Variants in PARK7 observed in about 807,000 individuals in gnomAD.
PARK7 encodes the protein Parkinsonism associated deglycase, also known as Parkinson disease protein 7.
A neutral mutation model predicts 20.5 loss-of-function variants in PARK7; 14 were observed. The ratio of observed to expected loss-of-function variants is 0.68; its 90% confidence interval spans 0.45 to 1.07. The LOEUF (loss-of-function observed/expected upper bound fraction) is 1.07, where lower values mean the gene tolerates loss of function less well. Among genes scored for constraint, PARK7 ranks in the 50% least tolerant of loss-of-function variants. The pLI, the probability that PARK7 is intolerant of heterozygous loss-of-function variation, is 0.00. For missense variants in PARK7, 234 were observed against 238.1 expected (o/e 0.98, Z 0.11); for synonymous variants, 98 against 84.3 (o/e 1.16, Z -0.89).
chr1:7,974,946 C>A (rs1393622852), intron 5 of PARK7, among the ~76,000 whole-genome samples: 2 of 151,264 alleles, frequency 1.3e-5, no homozygotes, highest in Non-Finnish European at 2.9e-5. Context: ...ACCTCCACCT[C>A]CCAGGTTCAA....
chr1:7,979,887 T>C (rs1640673824), intron 6 of PARK7, among the ~76,000 whole-genome samples: 1 of 152,212 alleles, frequency 6.6e-6, no homozygotes, highest in Non-Finnish European at 1.5e-5. Context: ...CTGGATGCAG[T>C]GACTCACGCC....
chr1:7,967,871 G>A (rs774223774), intron 3 of PARK7, among the ~76,000 whole-genome samples: 7 of 152,186 alleles, frequency 4.6e-5, no homozygotes, highest in Non-Finnish European at 7.3e-5. Context: ...AGTGAGCCAC[G>A]ATTGCATCAC....
chr1:7,973,988 G>A (rs1326428319), intron 5 of PARK7, among the ~76,000 whole-genome samples: 1 of 151,440 alleles, frequency 6.6e-6, no homozygotes, highest in Non-Finnish European at 1.5e-5. Flanking sequence ...TAAGAAGCAT[G>A]GGCCTTATAG....
chr1:7,975,749 T>C (rs1640572430), intron 5 of PARK7, among the ~76,000 whole-genome samples: 1 of 152,236 alleles, frequency 6.6e-6, no homozygotes, highest in South Asian at 2.1e-4. Flanking sequence ...CGTTCACCGA[T>C]CACTTTCCTC....
intron 5 of PARK7, 139 bp downstream of exon 5, chr1:7,971,102 A>G (rs1352267917): frequency 1.1e-6 from 1 of 917,800 alleles, no homozygotes; most frequent in African/African-American, 1.6e-5. Flanking sequence ...TTTGGGTGGC[A>G]TGAAGTTGGT....
intron 6 of PARK7, among the ~76,000 whole-genome samples, chr1:7,980,910 G>A (rs1012728437): frequency 7.2e-5 from 11 of 151,856 alleles, no homozygotes; most frequent in Non-Finnish European, 1.3e-4. Context: ...GTCTCACTAT[G>A]TTGCCCAAGC....
In PARK7 at chr1:7,985,025, G is replaced by C. The variant is rs751053636; in HGVS notation, c.541G>C (p.Val181Leu). Residue 181 changes from valine to leucine, a missense_variant, in exon 7 of 7, where the codon GTG becomes CTG. Transcript: ENST00000338639. ...GAATGGCAAGGAGGTGGCGGCTCAA[G>C]TGAAGGCTCCACTTGTTCTTAAAGA... is the stretch of plus-strand genomic sequence containing the variant. ...ALNGKEVAAQVKAPLVLKD is the reference protein window; with the variant it reads ...ALNGKEVAAQLKAPLVLKD 3 of 1,614,212 alleles carry C rather than the reference G, an allele frequency of 1.9e-6. No homozygotes were observed. Among genetic ancestry groups the C allele is most frequent in the Non-Finnish European group, 1.7e-6 (2 of 1,180,044 alleles).
intron 5 of PARK7, among the ~76,000 whole-genome samples, chr1:7,975,384 A>G (rs1489596974): frequency 6.6e-6 from 1 of 152,166 alleles, no homozygotes; most frequent in Non-Finnish European, 1.5e-5. Context: ...GGCCTCTGGA[A>G]GCAAGGTCTT....
intron 6 of PARK7, among the ~76,000 whole-genome samples, chr1:7,979,083 G>T (rs1640655889): frequency 6.6e-6 from 1 of 152,094 alleles, no homozygotes; most frequent in Non-Finnish European, 1.5e-5. Context: ...CATGCTGTAT[G>T]TAACCTTCTC....
Position 7,984,741 on chromosome 1 carries a change from C to G in PARK7, c.410-153C>G. Reference sequence around the variant, plus strand: ...GTTTTAAAAATACCTTTGTAGGGGGCTTCTAAGAGCTTGGAGTGCCTAGTA... The same window carrying G: ...GTTTTAAAAATACCTTTGTAGGGGGGTTCTAAGAGCTTGGAGTGCCTAGTA... On this transcript the variant is annotated intron_variant, in intron 6 of 6. Coordinates refer to ENST00000338639, the MANE Select transcript of PARK7 (RefSeq NM_007262.5). This position sits in a 1 kb window ranked among gnomAD's most constrained non-coding sequence, Gnocchi z 4.3. The G allele has an allele frequency of 2.3e-6, 2 of 856,560 alleles. No homozygotes were observed. Among genetic ancestry groups the G allele is most frequent in the Non-Finnish European group, 3.8e-6 (2 of 528,624 alleles). 53.1% of individuals were successfully genotyped at this position (856,560 alleles called of 1,614,324 possible).
chr1:7,967,271 G>GTA (rs1446784981), intron 3 of PARK7, among the ~76,000 whole-genome samples: 2 of 152,142 alleles, frequency 1.3e-5, no homozygotes, highest in Non-Finnish European at 2.9e-5. Context: ...TGGCTGGATA[G>GTA]TATCCCATTG....
intron 2 of PARK7, among the ~76,000 whole-genome samples, chr1:7,963,962 C>T (rs1260556987): frequency 2.0e-5 from 3 of 151,694 alleles, no homozygotes; most frequent in Non-Finnish European, 2.9e-5. Context: ...ATTACAGGTG[C>T]GCACCACCAT....
At chr1:7,979,599 C>G in intron 6 of PARK7, among the ~76,000 whole-genome samples, 1 of 152,154 alleles carries the variant, frequency 6.6e-6, no homozygotes, top group Admixed American at 6.6e-5. Context: ...CTCTTGGGAT[C>G]AGGCAATCCT....
intron 2 of PARK7, among the ~76,000 whole-genome samples, chr1:7,964,991 A>C (rs952122240): frequency 2.0e-5 from 3 of 152,200 alleles, no homozygotes. Flanking sequence ...CCTAGTTATT[A>C]AATATATTTA....
At chr1:7,977,592 G>C in intron 5 of PARK7, 60 bp from the exon 6 acceptor site, 1 of 1,488,514 alleles carries the variant, frequency 6.7e-7, no homozygotes, top group South Asian at 1.1e-5. Flanking sequence ...GCACTATTGC[G>C]ATTTTTTAAA....
At chr1:7,975,655 TCCTGAATCCAAC>T (rs1437893501) in intron 5 of PARK7, among the ~76,000 whole-genome samples, 1 of 152,190 alleles carries the variant, frequency 6.6e-6, no homozygotes, top group Non-Finnish European at 1.5e-5. Flanking sequence ...ATCAGTAAAT[TCCTGAATCCAAC>T]TGTAACATAA....
chr1:7,970,797 G>A (rs1365397336), intron 4 of PARK7, 97 bp from the exon 5 acceptor site: 13 of 1,204,582 alleles, frequency 1.1e-5, no homozygotes, highest in African/African-American at 4.5e-5. Flanking sequence ...AGAGCTTGTG[G>A]TTTAAACTAA....
rs1578097140 is a variant in PARK7, at chr1:7,971,220, A to G, written c.322+257A>G. On this transcript the variant is annotated intron_variant, in intron 5 of 6. Coordinates refer to ENST00000338639, the MANE Select transcript of PARK7 (RefSeq NM_007262.5). ...CGTGTTTGGTTGACCTCGGAGGAAAATAAGGCCCTCTGGAATTCAGTAAAC... is the reference window on the plus strand; with the variant it reads ...CGTGTTTGGTTGACCTCGGAGGAAAGTAAGGCCCTCTGGAATTCAGTAAAC... 1.3e-5 allele frequency: 7 copies of G among 522,206 alleles called. No homozygotes were observed. In the East Asian group the frequency reaches 2.1e-4, roughly 16 times the overall value. The allele number at this position is 522,206 out of a possible 1,614,324, so 32.3% of individuals were successfully genotyped here.
At chr1:7,975,988 A>G (rs1640577160) in intron 5 of PARK7, among the ~76,000 whole-genome samples, 2 of 152,256 alleles carry the variant, frequency 1.3e-5, no homozygotes, top group African/African-American at 4.8e-5. Flanking sequence ...TAAGAGCTAT[A>G]AATCAGGACT....
Sources: gnomAD v4.1 joint callset for allele counts (sites outside exome capture counted in the v4.1 genomes callset) on GRCh38, gnomAD v4.1.1 for gene constraint, Gnocchi (gnomAD v3.1) non-coding constraint, MANE v1.5 for transcripts, NCBI Gene and HGNC (gene_info 2026-07-23, HGNC 2026-07-21) for gene names.